Variants in RPS6KA5 observed in about 807,000 individuals in gnomAD.
RPS6KA5 encodes the protein ribosomal protein S6 kinase A5, also known as ribosomal protein S6 kinase alpha-5.
In RPS6KA5, 27 loss-of-function variants were observed where a neutral mutation model predicts 85.5. That is an observed-to-expected ratio of 0.32 (90% CI 0.23 to 0.44). RPS6KA5 has a LOEUF of 0.44. RPS6KA5 is among the 20% of genes least tolerant of loss of function. The probability of loss-of-function intolerance (pLI) is 1.00; values close to 1 mark genes in which losing one functional copy is unlikely to be tolerated. For missense variants in RPS6KA5, 811 were observed against 980.9 expected (o/e 0.83, Z 2.31); for synonymous variants, 334 against 348.2 (o/e 0.96, Z 0.46).
chr14:91,001,632 C>T (rs1243881998), intron 1 of RPS6KA5, among the ~76,000 whole-genome samples: 1 of 152,082 alleles, frequency 6.6e-6, no homozygotes, highest in Non-Finnish European at 1.5e-5. Context: ...AGTATGCATT[C>T]GTCACTTCAA....
chr14:90,886,602 G>T (rs1369113993), intron 14 of RPS6KA5, among the ~76,000 whole-genome samples: 4 of 152,156 alleles, frequency 2.6e-5, no homozygotes, highest in Non-Finnish European at 4.4e-5. Context: ...GCTGTGTGCG[G>T]ACACAACAAG....
intron 1 of RPS6KA5, among the ~76,000 whole-genome samples, chr14:91,054,124 C>T (rs987627992): frequency 1.1e-4 from 16 of 152,116 alleles, no homozygotes; most frequent in African/African-American, 3.6e-4. Context: ...GGTGCTGGAA[C>T]AATTGGATAT....
At chr14:90,894,119 C>T in intron 13 of RPS6KA5, 2 of 1,028,326 alleles carry the variant, frequency 1.9e-6, no homozygotes, top group Non-Finnish European at 2.3e-6. Context: ...ATAAAAATTT[C>T]CATTGCTATT....
chr14:90,925,484 T>C (rs2036607629), intron 5 of RPS6KA5, among the ~76,000 whole-genome samples: 1 of 152,156 alleles, frequency 6.6e-6, no homozygotes, highest in Non-Finnish European at 1.5e-5. Context: ...CTGAATTTAC[T>C]CTTCTGCACG....
intron 1 of RPS6KA5, among the ~76,000 whole-genome samples, chr14:91,056,317 A>T (rs2043315111): frequency 6.6e-6 from 1 of 152,182 alleles, no homozygotes. Flanking sequence ...TGTTACAAAA[A>T]CATGATCCCA....
chr14:90,859,515 G>A lies in RPS6KA5; in HGVS notation c.*12559C>T, dbSNP rs2032440210. The stretch of plus-strand genomic sequence containing the variant: ...TCAGAGACTTGGCACCTACAAAAAA[G>A]TGTCATGGATATTTTAGAATCCAAA... On this transcript the variant is annotated 3_prime_UTR_variant, in exon 17 of 17. Transcript: ENST00000614987. 6.6e-6 allele frequency: 1 copy of A among 152,176 alleles called. No individual in the cohort carries two copies. Among genetic ancestry groups the A allele is most frequent in the South Asian group, 2.1e-4 (1 of 4,828 alleles). 9.4% of individuals were successfully genotyped at this position (152,176 alleles called of 1,614,324 possible). A position where few individuals can be genotyped will look rare whatever the true frequency, so the allele number is the denominator to read the frequency against.
intron 3 of RPS6KA5, among the ~76,000 whole-genome samples, chr14:90,977,825 C>T (rs1166462553): frequency 1.3e-5 from 2 of 152,130 alleles, no homozygotes; most frequent in African/African-American, 2.4e-5. Flanking sequence ...GAGGCCAAGG[C>T]GGGCAGATCA....
At chr14:90,890,164 G>T (rs1413852316) in intron 14 of RPS6KA5, among the ~76,000 whole-genome samples, 1 of 152,076 alleles carries the variant, frequency 6.6e-6, no homozygotes, top group Non-Finnish European at 1.5e-5. Context: ...TTCTATTGAT[G>T]AATCATTTTG....
intron 6 of RPS6KA5, among the ~76,000 whole-genome samples, chr14:90,922,018 A>T (rs972619347): frequency 6.6e-6 from 1 of 152,236 alleles, no homozygotes; most frequent in African/African-American, 2.4e-5. Flanking sequence ...TACAAAGGCA[A>T]GAGAGGAGGC....
chr14:91,037,203 C>G (rs1318717484), intron 1 of RPS6KA5, among the ~76,000 whole-genome samples: 2 of 152,142 alleles, frequency 1.3e-5, no homozygotes, highest in African/African-American at 4.8e-5. Flanking sequence ...CAACCACAGC[C>G]CAACAACAGC....
chr14:90,897,471 G>C (rs2034902662), intron 12 of RPS6KA5, among the ~76,000 whole-genome samples: 2 of 152,114 alleles, frequency 1.3e-5, no homozygotes, highest in African/African-American at 2.4e-5. Context: ...TTGCACAAAG[G>C]CTGAAGACCC....
At chr14:90,980,039 G>T (rs1381582079) in intron 2 of RPS6KA5, among the ~76,000 whole-genome samples, 4 of 152,230 alleles carry the variant, frequency 2.6e-5, no homozygotes, top group Admixed American at 1.3e-4. Flanking sequence ...ACAAAGGTTT[G>T]TGTATTAGCT....
intron 2 of RPS6KA5, among the ~76,000 whole-genome samples, chr14:90,999,952 C>A (rs549781171): frequency 2.6e-5 from 4 of 152,144 alleles, no homozygotes; most frequent in Non-Finnish European, 5.9e-5. Flanking sequence ...TAACCATGTA[C>A]ATCCCGGAGA....
chr14:90,885,414 GTAGTGGCGGGCGCCTGTAGTCCCAGCT>G (rs2034129526), intron 14 of RPS6KA5, among the ~76,000 whole-genome samples: 1 of 150,442 alleles, frequency 6.6e-6, no homozygotes, highest in African/African-American at 2.4e-5. Flanking sequence ...TTAGCCGGGC[GTAGTGGCGGGCGCCTGTAGTCCCAGCT>G]ACTTGGGAGG....
chr14:90,876,639 T>C (rs2033495988), intron 14 of RPS6KA5, among the ~76,000 whole-genome samples: 1 of 152,158 alleles, frequency 6.6e-6, no homozygotes, highest in South Asian at 2.1e-4. Flanking sequence ...TGGTGGTGGG[T>C]TGGCTGGTGT....
chr14:90,959,241 C>G (rs1278108119), intron 3 of RPS6KA5, among the ~76,000 whole-genome samples: 1 of 152,166 alleles, frequency 6.6e-6, no homozygotes, highest in Non-Finnish European at 1.5e-5. Context: ...TCTATGTGAA[C>G]AGTTGCCCTT....
intron 2 of RPS6KA5, among the ~76,000 whole-genome samples, chr14:90,998,082 G>T (rs111625290): frequency 6.8e-6 from 1 of 147,732 alleles, no homozygotes; most frequent in Admixed American, 6.8e-5. Context: ...AAAACATTAT[G>T]TTAAGTGAAA....
rs998694723 is a variant in RPS6KA5, at chr14:90,920,286, A to G, written c.726T>C (p.Gly242=). The G allele has an allele frequency of 3.1e-6, 5 of 1,610,790 alleles. No individual in the cohort carries two copies. The African/African-American group carries it at 5.3e-5, about 17-fold the overall frequency. The change falls in exon 7 of 17, where the codon GGT becomes GGC. Residue 242 remains glycine, a synonymous_variant. Coordinates refer to ENST00000614987, the MANE Select transcript of RPS6KA5 (RefSeq NM_004755.4). ...CAGTTAGTAATTCATACATTAGAAC[A>G]CCCAAACTCCACCAGTCAACTGCCT... is the stretch of plus-strand genomic sequence containing the variant. ...HDKAVDWWSL[G]VLMYELLTGA...
At chr14:90,919,474 C>CA (rs1292161265) in intron 7 of RPS6KA5, among the ~76,000 whole-genome samples, 3 of 152,096 alleles carry the variant, frequency 2.0e-5, no homozygotes, top group Non-Finnish European at 4.4e-5. Context: ...AATCTGTTCT[C>CA]AAAGTTACAA....
Sources: allele counts gnomAD v4.1 joint callset (sites outside exome capture counted in the v4.1 genomes callset), GRCh38; gene constraint gnomAD v4.1.1; transcripts MANE v1.5; gene names NCBI Gene and HGNC (gene_info 2026-07-23, HGNC 2026-07-21).